MLLT3: variants seen among roughly 807,000 people sequenced by gnomAD.
MLLT3 encodes the protein protein AF-9.
Under a neutral mutation model 53.2 loss-of-function variants are expected in MLLT3, and 4 were observed. The observed-to-expected ratio is 0.08, with a 90% CI of 0.04 to 0.17. The LOEUF (loss-of-function observed/expected upper bound fraction) is 0.17, where lower values mean the gene tolerates loss of function less well. Ranked by LOEUF, MLLT3 falls within the 10% of genes least tolerant of loss-of-function variation. The pLI is 1.00. For synonymous variants in MLLT3, 283 were observed against 230.6 expected, an observed-to-expected ratio of 1.23 and a Z score of -2.06; for missense variants, 569 against 684.0, an observed-to-expected ratio of 0.83 and a Z score of 1.87.
intron 2 of MLLT3, among the ~76,000 whole-genome samples, chr9:20,493,946 A>C (rs1412203022): frequency 3.9e-5 from 6 of 151,970 alleles, no homozygotes; most frequent in Non-Finnish European, 5.9e-5. Flanking sequence ...TGAAGCACAT[A>C]CCTCCTTCCT....
At chr9:20,527,742 T>G (rs903468929) in intron 2 of MLLT3, among the ~76,000 whole-genome samples, 1 of 152,200 alleles carries the variant, frequency 6.6e-6, no homozygotes, top group Admixed American at 6.6e-5. Flanking sequence ...TCTTCTTATA[T>G]AATGCATTTC....
chr9:20,564,281 G>C (rs1819291770), intron 2 of MLLT3, among the ~76,000 whole-genome samples: 1 of 151,914 alleles, frequency 6.6e-6, no homozygotes, highest in African/African-American at 2.4e-5. Flanking sequence ...TCAGAAGCAG[G>C]GTGTCAGAAA....
intron 10 of MLLT3, among the ~76,000 whole-genome samples, chr9:20,352,440 A>G (rs1006394178): frequency 1.3e-5 from 2 of 152,214 alleles, no homozygotes; most frequent in African/African-American, 4.8e-5. Context: ...GCCTAAGAAG[A>G]ATATTAGCAA....
chr9:20,496,834 T>A lies in MLLT3; in HGVS notation c.194-40048A>T, dbSNP rs17758521. The stretch of plus-strand genomic sequence containing the variant: ...TCCAACTTCCTCTACAGATAAACAG[T>A]GCTTTAGGCCCAACATACCTATACA... On this transcript the variant is annotated intron_variant, in intron 2 of 10. Coordinates refer to ENST00000380338, the MANE Select transcript of MLLT3 (RefSeq NM_004529.4). Among the ~76,000 whole-genome samples the A allele has an allele frequency of 0.011, 1,644 of 152,296 alleles. 78 individuals are homozygous for A. In the East Asian group the frequency reaches 0.16, roughly 15 times the overall value.
At chr9:20,477,012 TGACA>T (rs1824537746) in intron 2 of MLLT3, among the ~76,000 whole-genome samples, 2 of 152,170 alleles carry the variant, frequency 1.3e-5, no homozygotes, top group Admixed American at 1.3e-4. Flanking sequence ...ATAAATAGTT[TGACA>T]GACAGTTTCA....
chr9:20,542,547 TATTTTTAA>T (rs992411582), intron 2 of MLLT3, among the ~76,000 whole-genome samples: 1 of 152,152 alleles, frequency 6.6e-6, no homozygotes, highest in African/African-American at 2.4e-5. Context: ...AGAGCAGTAA[TATTTTTAA>T]AGGAGTCTTT....
intron 4 of MLLT3, among the ~76,000 whole-genome samples, chr9:20,443,669 C>A (rs1401296975): frequency 6.6e-6 from 1 of 152,128 alleles, no homozygotes; most frequent in Non-Finnish European, 1.5e-5. Flanking sequence ...CACTGAATAG[C>A]AAATCTTTTT....
intron 2 of MLLT3, among the ~76,000 whole-genome samples, chr9:20,514,275 G>A (rs951903019): frequency 6.6e-6 from 1 of 152,148 alleles, no homozygotes; most frequent in African/African-American, 2.4e-5. Flanking sequence ...GATGAGTGGA[G>A]GTTTTAGTGT....
At position 20,533,605 on chromosome 9, in the gene MLLT3, C is replaced by A. The variant is rs144534062; in HGVS notation, c.194-76819G>T. Among the ~76,000 whole-genome samples the A allele has an allele frequency of 7.9e-5, 12 of 152,246 alleles. No individual in the cohort carries two copies. The East Asian group carries it at 2.1e-3, about 27-fold the overall frequency. On this transcript the variant is annotated intron_variant, in intron 2 of 10. Coordinates refer to ENST00000380338, the MANE Select transcript of MLLT3 (RefSeq NM_004529.4). ...CAGTATCTTGAAGAGATATCTGCAC[C>A]CCCATGTTCACTGTAGCATTACTCA...
At chr9:20,509,811 A>G (rs1470244820) in intron 2 of MLLT3, among the ~76,000 whole-genome samples, 1 of 152,136 alleles carries the variant, frequency 6.6e-6, no homozygotes, top group Non-Finnish European at 1.5e-5. Context: ...ATGATTAACT[A>G]AGTTTTATTG....
intron 2 of MLLT3, among the ~76,000 whole-genome samples, chr9:20,590,211 T>G (rs1820093604): frequency 6.6e-6 from 1 of 152,172 alleles, no homozygotes; most frequent in Non-Finnish European, 1.5e-5. Context: ...CTCTCCAAGA[T>G]TCTTAACATC....
At chr9:20,555,362 C>T (rs1819031091) in intron 2 of MLLT3, among the ~76,000 whole-genome samples, 1 of 152,106 alleles carries the variant, frequency 6.6e-6, no homozygotes, top group Admixed American at 6.6e-5. Context: ...CACCATGTTG[C>T]CCAGGGTGGT....
chr9:20,363,184 G>C, intron 7 of MLLT3: 2 of 281,732 alleles, frequency 7.1e-6, no homozygotes, highest in Non-Finnish European at 1.3e-5. Context: ...AATGAAAACA[G>C]ACTTTAGTTC....
chr9:20,513,107 T>C (rs1024865556), intron 2 of MLLT3, among the ~76,000 whole-genome samples: 10 of 152,232 alleles, frequency 6.6e-5, no homozygotes, highest in Admixed American at 2.6e-4. Context: ...CTAGGAAATA[T>C]AGTTGTAGAT....
intron 8 of MLLT3, among the ~76,000 whole-genome samples, chr9:20,355,509 A>G (rs569689003): frequency 6.6e-5 from 10 of 152,330 alleles, no homozygotes; most frequent in African/African-American, 2.4e-4. Flanking sequence ...ATAGCTTTAC[A>G]TACTGTATAG....
chr9:20,384,840 C>T (rs1300389380), intron 5 of MLLT3, among the ~76,000 whole-genome samples: 1 of 152,084 alleles, frequency 6.6e-6, no homozygotes, highest in African/African-American at 2.4e-5. Context: ...TCTAAAAATT[C>T]TCTGCCAAAC....
intron 2 of MLLT3, among the ~76,000 whole-genome samples, chr9:20,551,797 A>C (rs1230349727): frequency 6.6e-6 from 1 of 152,228 alleles, no homozygotes; most frequent in Non-Finnish European, 1.5e-5. Flanking sequence ...AGACTTTGAT[A>C]TTAATTTTTA....
At chr9:20,529,893 T>C (rs1048279464) in intron 2 of MLLT3, among the ~76,000 whole-genome samples, 6 of 152,110 alleles carry the variant, frequency 3.9e-5, no homozygotes, top group Non-Finnish European at 8.8e-5. Flanking sequence ...CCAGGCCAGT[T>C]ACACAAACTG....
In MLLT3 at chr9:20,554,210, C is replaced by T. The variant is rs1818998911; in HGVS notation, c.193+66444G>A. ...AATTTCAATCAAACCAATTCCACTT[C>T]CTTACCCAAAAACTTAATTTCCTGT... On this transcript the variant is annotated intron_variant, in intron 2 of 10. Coordinates refer to ENST00000380338, the MANE Select transcript of MLLT3 (RefSeq NM_004529.4). Among the ~76,000 whole-genome samples the T allele has an allele frequency of 3.3e-5, 5 of 152,144 alleles. No individual in the cohort carries two copies. The South Asian group carries it at 1.0e-3, about 32-fold the overall frequency.
Sources: allele counts gnomAD v4.1 joint callset (sites outside exome capture counted in the v4.1 genomes callset), GRCh38; gene constraint gnomAD v4.1.1; transcripts MANE v1.5; gene names NCBI Gene and HGNC (gene_info 2026-07-23, HGNC 2026-07-21).